SEC23A: variants seen among roughly 807,000 people sequenced by gnomAD.
The protein encoded by SEC23A is SEC23 homolog A, COPII component, also known as protein transport protein Sec23A.
A neutral mutation model predicts 103.7 loss-of-function variants in SEC23A; 56 were observed. The observed-to-expected ratio is 0.54, with a 90% CI of 0.44 to 0.67. The LOEUF (loss-of-function observed/expected upper bound fraction) is 0.67, where lower values mean the gene tolerates loss of function less well. Among genes scored for constraint, SEC23A ranks in the 30% least tolerant of loss-of-function variants. The pLI is 0.00. For synonymous variants in SEC23A, 281 were observed against 293.0 expected (o/e 0.96, Z 0.42); for missense variants, 784 against 936.4 (o/e 0.84, Z 2.12).
intron 8 of SEC23A, among the ~76,000 whole-genome samples, chr14:39,075,340 T>A (rs1017082408): frequency 6.6e-6 from 1 of 152,108 alleles, no homozygotes; most frequent in Non-Finnish European, 1.5e-5. Flanking sequence ...TTTAAACATA[T>A]AATACTGATG....
intron 10 of SEC23A, among the ~76,000 whole-genome samples, chr14:39,065,488 G>C (rs1029153201): frequency 6.6e-6 from 1 of 152,060 alleles, no homozygotes; most frequent in South Asian, 2.1e-4. Context: ...ACCACTGTCA[G>C]ATGAATCTTA....
chr14:39,052,258 T>A (rs935412901), intron 14 of SEC23A, among the ~76,000 whole-genome samples: 3 of 151,780 alleles, frequency 2.0e-5, no homozygotes, highest in Non-Finnish European at 4.4e-5. Context: ...ATGGCACACG[T>A]TTACCTATAC....
At chr14:39,101,002 C>T (rs1410141721) in intron 1 of SEC23A, among the ~76,000 whole-genome samples, 1 of 151,888 alleles carries the variant, frequency 6.6e-6, no homozygotes, top group African/African-American at 2.4e-5. Context: ...AGCTACTACA[C>T]CCAGCTAATT....
intron 7 of SEC23A, among the ~76,000 whole-genome samples, chr14:39,085,526 T>C (rs565779653): frequency 1.3e-5 from 2 of 152,044 alleles, no homozygotes; most frequent in Non-Finnish European, 2.9e-5. Flanking sequence ...AGTTAGATAG[T>C]ATCAGAATTG....
intron 16 of SEC23A, among the ~76,000 whole-genome samples, chr14:39,043,272 T>C (rs578047904): frequency 6.6e-6 from 1 of 152,298 alleles, no homozygotes; most frequent in South Asian, 2.1e-4. Flanking sequence ...CAGCACTAAA[T>C]TTGAAACTTA....
rs1163662446 is a variant in SEC23A at position 39,094,440 on chromosome 14, A to T, written c.222-1196T>A. Among the ~76,000 whole-genome samples, 47 of 13,074 alleles carry T rather than the reference A, an allele frequency of 3.6e-3. 3 individuals carry two copies. Among genetic ancestry groups the T allele is most frequent in the East Asian group, 0.018 (8 of 440 alleles). 8.6% of individuals were successfully genotyped at this position (13,074 alleles called of 152,430 possible). ...TATATATATATATATATATATATAT[A>T]TATTTTTTTTTTTTTTTTTTCCCCT... On this transcript the variant is annotated intron_variant, in intron 2 of 19. Coordinates refer to ENST00000307712, the MANE Select transcript of SEC23A (RefSeq NM_006364.4).
chr14:39,093,216 C>T lies in SEC23A; in HGVS notation c.250G>A (p.Ala84Thr), dbSNP rs1184969817. ...TTCCTTTGGTAACAAAAGTTGCAAGCCCAAAGTTTTGCTCGATAATCCACT... is the reference window on the plus strand; with the variant it reads ...TTCCTTTGGTAACAAAAGTTGCAAGTCCAAAGTTTTGCTCGATAATCCACT... Reference protein sequence around the residue: ...CQVDYRAKLWACNFCYQRNQF... With the variant: ...CQVDYRAKLWTCNFCYQRNQF... Residue 84 changes from alanine (A) to threonine (T), a missense_variant, in exon 3 of 20, where the codon GCT (alanine) becomes ACT (threonine). By Grantham distance (58) the Ala-to-Thr change is moderately conservative. This residue lies in a region of SEC23A where 683 missense variants were observed against 774.2 expected (regional missense o/e 0.88). Transcript: ENST00000307712. The T allele has an allele frequency of 1.9e-6, 3 of 1,612,522 alleles. No individual in the cohort carries two copies. In the Admixed American group the frequency reaches 5.0e-5, roughly 27 times the overall value.
intron 18 of SEC23A, chr14:39,040,405 A>G (rs887225171): frequency 3.9e-6 from 1 of 253,420 alleles, no homozygotes; most frequent in Non-Finnish European, 7.6e-6. Context: ...AACGGCTTTA[A>G]GAAAAGTATA....
At chr14:39,092,137 T>C (rs183284293) in intron 4 of SEC23A, among the ~76,000 whole-genome samples, 42 of 152,326 alleles carry the variant, frequency 2.8e-4, no homozygotes, top group Admixed American at 5.2e-4. Flanking sequence ...TAAACAACTA[T>C]GGTTAAGTAT....
intron 2 of SEC23A, among the ~76,000 whole-genome samples, chr14:39,094,387 CACACACACACATATATATATATATAT>C (rs1266737604): frequency 3.8e-4 from 20 of 53,292 alleles, no homozygotes; most frequent in Non-Finnish European, 5.9e-4. Context: ...CACACACACA[CACACACACACATATATATATATATAT>C]ATATATATAT....
chr14:39,058,196 T>C (rs1566490711), intron 13 of SEC23A, among the ~76,000 whole-genome samples: 2 of 152,148 alleles, frequency 1.3e-5, no homozygotes, highest in Non-Finnish European at 2.9e-5. Context: ...TGAAAATAAG[T>C]GCTGAACCAC....
intron 16 of SEC23A, among the ~76,000 whole-genome samples, chr14:39,044,190 T>G (rs1239767126): frequency 6.6e-6 from 1 of 152,032 alleles, no homozygotes; most frequent in African/African-American, 2.4e-5. Context: ...AATGAAAAGG[T>G]TGAAATTTAA....
intron 13 of SEC23A, among the ~76,000 whole-genome samples, chr14:39,059,891 G>C (rs193209934): frequency 2.2e-4 from 34 of 152,158 alleles, no homozygotes; most frequent in Admixed American, 7.2e-4. Flanking sequence ...CCTGACATTT[G>C]CATTTTGTCC....
chr14:39,040,841 T>C lies in SEC23A; in HGVS notation c.2033A>G (p.Tyr678Cys), dbSNP rs746269243. Residue 678 changes from tyrosine (Y) to cysteine (C), a missense_variant, in exon 18 of 20, where the codon TAT (tyrosine) becomes TGT (cysteine). Physicochemically the swap from Tyr to Cys is radical, Grantham distance 194. Around this residue, in one of 2 missense-constraint regions of SEC23A, gnomAD observed 101 missense variants for 162.2 expected, o/e 0.62. Coordinates refer to ENST00000307712, the MANE Select transcript of SEC23A (RefSeq NM_006364.4). Reference protein sequence around the residue: ...RKSGYQDMPEYENFRHLLQAP... With the variant: ...RKSGYQDMPECENFRHLLQAP... Reference sequence around the variant, plus strand: ...TTGCAGAAGGTGGCGGAAATTTTCATACTCAGGCATATCCTGGTATCCTGA... The same window carrying C: ...TTGCAGAAGGTGGCGGAAATTTTCACACTCAGGCATATCCTGGTATCCTGA... 6.2e-7 allele frequency: 1 copy of C among 1,614,222 alleles called. No homozygotes were observed. Among genetic ancestry groups the C allele is most frequent in the South Asian group, 1.1e-5 (1 of 91,086 alleles).
chr14:39,067,319 C>T (rs756862093), intron 9 of SEC23A, 23 bp from the exon 10 acceptor site: 1 of 1,612,420 alleles, frequency 6.2e-7, no homozygotes, highest in South Asian at 1.1e-5. Context: ...AACAAAAAAA[C>T]AACATACTTG....
intron 10 of SEC23A, among the ~76,000 whole-genome samples, chr14:39,066,002 A>AAAAAAAAC (rs1886651192): frequency 4.0e-5 from 1 of 25,118 alleles, no homozygotes; most frequent in Non-Finnish European, 8.4e-5. Context: ...CATCTCAAAA[A>AAAAAAAAC]AAAAAAAAAA....
chr14:39,044,716 A>G lies in SEC23A; in HGVS notation c.1899+447T>C, dbSNP rs571943381. ...GTGTCTTTATAATCAACTATTTTTT[A>G]TGTTCTCAAAAAAACAAAGGAAAAT... On this transcript the variant is annotated intron_variant, in intron 16 of 19. Transcript: ENST00000307712. Among the ~76,000 whole-genome samples the G allele has an allele frequency of 2.6e-5, 4 of 152,308 alleles. No individual in the cohort carries two copies. In the South Asian group the frequency reaches 8.3e-4, roughly 32 times the overall value.
At chr14:39,093,938 T>C (rs1779879148) in intron 2 of SEC23A, among the ~76,000 whole-genome samples, 1 of 151,994 alleles carries the variant, frequency 6.6e-6, no homozygotes, top group Admixed American at 6.6e-5. Context: ...GCGCTGGTGA[T>C]ACAAGAAAAA....
chr14:39,077,240 A>AAAG, intron 7 of SEC23A, among the ~76,000 whole-genome samples: 1 of 145,656 alleles, frequency 6.9e-6, no homozygotes, highest in East Asian at 2.0e-4. Flanking sequence ...AAAAAAAAAA[A>AAAG]AAAAAAAAAA....
Sources: gnomAD v4.1 joint callset for allele counts (sites outside exome capture counted in the v4.1 genomes callset) on GRCh38, gnomAD v4.1.1 for gene constraint, gnomAD v4.1.1 regional missense constraint, MANE v1.5 for transcripts, NCBI Gene and HGNC (gene_info 2026-07-23, HGNC 2026-07-21) for gene names.